ZNF423: variants seen among roughly 807,000 people sequenced by gnomAD.
ZNF423 encodes the protein Ebf-associated zinc finger protein.
In ZNF423, 12 loss-of-function variants were observed where a neutral mutation model predicts 95.8. The ratio of observed to expected loss-of-function variants is 0.13; its 90% CI spans 0.08 to 0.20. The LOEUF (loss-of-function observed/expected upper bound fraction) is 0.20, where lower values mean the gene tolerates loss of function less well. ZNF423 is among the 10% of genes least tolerant of loss of function. The pLI is 1.00. For synonymous variants in ZNF423, 749 were observed against 711.9 expected (o/e 1.05, Z -0.83); for missense variants, 1,316 against 1,737.1 (o/e 0.76, Z 4.31).
chr16:49,620,725 G>C (rs1253900664), intron 5 of ZNF423, among the ~76,000 whole-genome samples: 1 of 152,136 alleles, frequency 6.6e-6, no homozygotes, highest in Non-Finnish European at 1.5e-5. Context: ...CACTCCCTTG[G>C]GGCCAACCTG....
chr16:49,513,415 T>C (rs1351256142), intron 7 of ZNF423, among the ~76,000 whole-genome samples: 11 of 152,254 alleles, frequency 7.2e-5, no homozygotes, highest in South Asian at 4.1e-4. Flanking sequence ...ACTTTTGATT[T>C]TTAATTATTA....
chr16:49,730,426 A>G (rs2033134289), intron 3 of ZNF423: 1 of 324,536 alleles, frequency 3.1e-6, no homozygotes, highest in African/African-American at 2.1e-5. Flanking sequence ...TAAGCTGCTT[A>G]ACTTTGCACT....
rs116065886 is a variant in ZNF423, at chr16:49,524,460, C to T, written c.3734-721G>A. On this transcript the variant is annotated intron_variant, in intron 6 of 7. Transcript: ENST00000563137. Reference sequence around the variant, plus strand: ...TGGCAGTGACAGATGGGTGGGGGCTCCTGCGATGAGGGGGAAGATGGCATC... The same window carrying T: ...TGGCAGTGACAGATGGGTGGGGGCTTCTGCGATGAGGGGGAAGATGGCATC... 8.9e-3 allele frequency among the ~76,000 whole-genome samples: 1,356 copies of T among 152,214 alleles called. 25 individuals carry two copies. Among genetic ancestry groups the T allele is most frequent in the African/African-American group, 0.03 (1,260 of 41,528 alleles).
At chr16:49,721,596 AC>A (rs1192539704) in intron 3 of ZNF423, among the ~76,000 whole-genome samples, 2 of 151,460 alleles carry the variant, frequency 1.3e-5, no homozygotes, top group African/African-American at 4.9e-5. Context: ...TCCAGAATCA[AC>A]CCCCAGGCTC....
At position 49,579,722 on chromosome 16, in the gene ZNF423, G is replaced by A. The variant is rs902743037; in HGVS notation, c.3601+46448C>T. 8.4e-4 allele frequency among the ~76,000 whole-genome samples: 128 copies of A among 152,254 alleles called. 2 individuals carry two copies. The highest frequency in any genetic ancestry group is 3.1e-3 in the African/African-American group (127 of 41,546). On this transcript the variant is annotated intron_variant, in intron 5 of 7. Coordinates refer to ENST00000563137, the MANE Select transcript of ZNF423 (RefSeq NM_001379286.1). ...AGCCCCTGCTCCATCCTTTCTCAAG[G>A]ACCACCATAAAGGGTTCCAAACAGT... is the stretch of plus-strand genomic sequence containing the variant.
In ZNF423 at chr16:49,638,750, C is replaced by T. The variant is rs1040242592; in HGVS notation, c.426G>A (p.Thr142=). Residue 142 remains threonine (T), a synonymous_variant, in exon 4 of 8, where the codon ACG becomes ACA. Transcript: ENST00000563137. The surrounding 1 kb of genome is among the most constrained non-coding windows in gnomAD (Gnocchi z 5.6). The part of the protein sequence containing the change: ...DLGLGEEEGG[T]GLPYPCQFCD... ...AGAACTGGCAAGGGTATGGCAGGCC[C>T]GTGCCCCCTTCCTCCTCGCCGAGGC... 24 of 1,613,990 alleles carry T rather than the reference C, an allele frequency of 1.5e-5. No homozygotes were observed. The highest frequency in any genetic ancestry group is 6.7e-5 in the Admixed American group (4 of 59,998).
rs572953708 is a variant in ZNF423, at chr16:49,591,713, G to T, written c.3601+34457C>A. 2.1e-4 allele frequency among the ~76,000 whole-genome samples: 32 copies of T among 152,234 alleles called. No homozygotes were observed. The South Asian group carries it at 6.4e-3, about 31-fold the overall frequency. On this transcript the variant is annotated intron_variant, in intron 5 of 7. Coordinates refer to ENST00000563137, the MANE Select transcript of ZNF423 (RefSeq NM_001379286.1). ...TTATAACTCCACTGGAAACTAAACA[G>T]TATGGGCATTAAAACTGCATTGGAA...
At chr16:49,634,740 C>A (rs1217252010) in intron 4 of ZNF423, among the ~76,000 whole-genome samples, 1 of 152,172 alleles carries the variant, frequency 6.6e-6, no homozygotes, top group African/African-American at 2.4e-5. Flanking sequence ...TCAATGGGAA[C>A]CCCACACCTG....
chr16:49,687,904 C>T (rs1360557267), intron 3 of ZNF423, among the ~76,000 whole-genome samples: 1 of 152,096 alleles, frequency 6.6e-6, no homozygotes, highest in East Asian at 1.9e-4. Context: ...CTCAGAGGGG[C>T]TCCTTGGAGA....
chr16:49,666,818 C>A (rs1300345820), intron 3 of ZNF423, among the ~76,000 whole-genome samples: 3 of 152,154 alleles, frequency 2.0e-5, no homozygotes, highest in Admixed American at 2.0e-4. Flanking sequence ...GCCACCTGGG[C>A]TAAATCATTA....
chr16:49,686,890 TC>T (rs1228514892), intron 3 of ZNF423, among the ~76,000 whole-genome samples: 1 of 139,644 alleles, frequency 7.2e-6, no homozygotes, highest in Non-Finnish European at 1.6e-5. Flanking sequence ...GAACCTGCGA[TC>T]CCTGCACCAG....
intron 5 of ZNF423, among the ~76,000 whole-genome samples, chr16:49,541,543 G>A (rs764502532): frequency 2.6e-5 from 4 of 152,184 alleles, no homozygotes; most frequent in Non-Finnish European, 4.4e-5. Flanking sequence ...CTGGAAGGCA[G>A]GATATGTTTT....
intron 3 of ZNF423, among the ~76,000 whole-genome samples, chr16:49,706,525 G>T (rs527371762): frequency 1.2e-3 from 181 of 152,364 alleles, no homozygotes; most frequent in African/African-American, 4.3e-3. Flanking sequence ...TGTGAACTGG[G>T]CCCAGGGCCA....
intron 7 of ZNF423, among the ~76,000 whole-genome samples, chr16:49,502,827 G>C (rs57358918): frequency 0.23 from 18,363 of 80,556 alleles, 1,672 homozygotes; most frequent in African/African-American, 0.36. Flanking sequence ...ACCTGCCCCC[G>C]TCATGTGCCC....
chr16:49,579,589 G>A (rs2151799573), intron 5 of ZNF423, among the ~76,000 whole-genome samples: 1 of 152,256 alleles, frequency 6.6e-6, no homozygotes, highest in East Asian at 1.9e-4. Flanking sequence ...GGAGGGTCCA[G>A]GCAAGCTGAG....
intron 3 of ZNF423, among the ~76,000 whole-genome samples, chr16:49,688,066 T>C (rs1373762660): frequency 6.9e-6 from 1 of 144,666 alleles, no homozygotes; most frequent in Non-Finnish European, 1.5e-5. Context: ...TTTTTTTTTT[T>C]TTTTCGCAAG....
chr16:49,566,326 C>T (rs1223767692), intron 5 of ZNF423, among the ~76,000 whole-genome samples: 4 of 152,224 alleles, frequency 2.6e-5, no homozygotes, highest in Admixed American at 2.0e-4. Flanking sequence ...TCTCTGCTTA[C>T]AGAGCAGCAC....
Position 49,676,024 on chromosome 16 carries a change from A to G in ZNF423, c.302-37150T>C, listed in dbSNP as rs188941572. Reference sequence around the variant, plus strand: ...CACACCCCACAGTGCCCCCTTCTCCAGGAAGTCTTCTCCAGCTTTTTGGGC... The same window carrying G: ...CACACCCCACAGTGCCCCCTTCTCCGGGAAGTCTTCTCCAGCTTTTTGGGC... On this transcript the variant is annotated intron_variant, in intron 3 of 7. Coordinates refer to ENST00000563137, the MANE Select transcript of ZNF423 (RefSeq NM_001379286.1). 1.2e-3 allele frequency among the ~76,000 whole-genome samples: 181 copies of G among 152,338 alleles called. No individual in the cohort carries two copies. The Middle Eastern group carries it at 0.014, about 11-fold the overall frequency.
chr16:49,658,157 C>A (rs554510995), intron 3 of ZNF423, among the ~76,000 whole-genome samples: 1 of 152,212 alleles, frequency 6.6e-6, no homozygotes, highest in African/African-American at 2.4e-5. Context: ...CTAGATGTGG[C>A]GCAAGTCCTG....
Sources: allele counts gnomAD v4.1 joint callset (sites outside exome capture counted in the v4.1 genomes callset), GRCh38; gene constraint gnomAD v4.1.1; non-coding constraint Gnocchi (gnomAD v3.1); transcripts MANE v1.5; gene names NCBI Gene and HGNC (gene_info 2026-07-23, HGNC 2026-07-21).